The following PSMA2 variants were observed in gnomAD, a reference collection of about 807,000 sequenced individuals.
The protein encoded by PSMA2 is proteasome subunit alpha type-2.
PSMA2 carries 2 observed loss-of-function variants against 35.9 expected under a neutral mutation model. The observed-to-expected ratio is 0.06, with a 90% confidence interval of 0.02 to 0.18. The LOEUF is 0.18. Among genes scored for constraint, PSMA2 ranks in the 10% least tolerant of loss-of-function variants. The pLI is 1.00. For synonymous variants in PSMA2, 97 were observed against 98.2 expected, an observed-to-expected ratio of 0.99 and a Z score of 0.07; for missense variants, 126 against 278.8, an observed-to-expected ratio of 0.45 and a Z score of 3.90.
chr7:42,923,084 C>A (rs144972497), intron 5 of PSMA2, among the ~76,000 whole-genome samples: 1 of 152,126 alleles, frequency 6.6e-6, no homozygotes, highest in African/African-American at 2.4e-5. Context: ...ACAAATCACC[C>A]AAGTGTATGA....
At position 42,932,163 on chromosome 7, in the gene PSMA2, ACCCG is replaced by A; in HGVS notation, c.-9_-6del. 1 of 1,614,036 alleles carries A rather than the reference ACCCG, an allele frequency of 6.2e-7. No individual in the cohort carries two copies. The highest frequency in any genetic ancestry group is 1.3e-5 in the African/African-American group (1 of 75,042). ...GCTGTACCCGCGCTCCGCCATCTTT[ACCCG>A]AAGAGCCAAAGCACAGCCGCACACA... On this transcript the variant is annotated 5_prime_UTR_variant, in exon 1 of 8. Transcript: ENST00000223321.
intron 3 of PSMA2, among the ~76,000 whole-genome samples, chr7:42,926,111 C>T (rs1044504958): frequency 6.6e-6 from 1 of 152,166 alleles, no homozygotes; most frequent in Non-Finnish European, 1.5e-5. Flanking sequence ...TTGTGAAGAA[C>T]AGGAAAAAAG....
chr7:42,919,197 CTGGAT>C (rs1313707925), intron 6 of PSMA2: 1 of 601,200 alleles, frequency 1.7e-6, no homozygotes, highest in East Asian at 3.8e-5. Flanking sequence ...ATACAGGAGA[CTGGAT>C]TGGAACAATT....
At chr7:42,931,973 A>C in intron 1 of PSMA2, 145 bp downstream of exon 1, 1 of 1,115,158 alleles carries the variant, frequency 9.0e-7, no homozygotes, top group South Asian at 1.3e-5. Context: ...GGCCTGGCAA[A>C]TGACTTTGCA....
At chr7:42,932,050 G>GA in intron 1 of PSMA2, 68 bp downstream of exon 1, 1 of 1,600,610 alleles carries the variant, frequency 6.2e-7, no homozygotes, top group Non-Finnish European at 8.6e-7. Flanking sequence ...GTCAGGATGG[G>GA]AAAAACTAAA....
chr7:42,919,264 A>G, intron 6 of PSMA2: 3 of 616,768 alleles, frequency 4.9e-6, no homozygotes, highest in Admixed American at 1.9e-5. Flanking sequence ...GGATGCCACC[A>G]AAGCAGCCAC....
intron 6 of PSMA2, chr7:42,918,410 C>G (rs1410744415): frequency 6.6e-6 from 1 of 152,164 alleles, no homozygotes; most frequent in Non-Finnish European, 1.5e-5. Context: ...ACAGAAAAAT[C>G]AGAACTTTGC....
intron 4 of PSMA2, 119 bp from the exon 5 acceptor site, chr7:42,923,525 TTCC>T: frequency 1.4e-6 from 1 of 720,968 alleles, no homozygotes; most frequent in Non-Finnish European, 2.4e-6. Context: ...GACTTTTAAG[TTCC>T]TTAGAAAGTA....
rs532320237 is a variant in PSMA2 at position 42,920,108 on chromosome 7, A to G, written c.530+1750T>C. The G allele has an allele frequency of 8.9e-5, 46 of 515,334 alleles. 1 individual carries two copies. In the Middle Eastern group the frequency reaches 3.2e-3, roughly 36 times the overall value. 31.9% of individuals were successfully genotyped at this position (515,334 alleles called of 1,614,324 possible). ...AAGGCCTGAACATCAAGCATGTGCC[A>G]CAGACAGCATACAACTGGACTAGAA... On this transcript the variant is annotated intron_variant, in intron 6 of 7. Coordinates refer to ENST00000223321, the MANE Select transcript of PSMA2 (RefSeq NM_002787.5).
chr7:42,927,482 G>GT (rs1460421649), intron 1 of PSMA2, 23 bp from the exon 2 acceptor site: 2 of 1,598,136 alleles, frequency 1.3e-6, no homozygotes, highest in Admixed American at 1.7e-5. Context: ...ACAGGTATTT[G>GT]TAAGTTCACA....
chr7:42,917,445 C>T lies in PSMA2; in HGVS notation c.*129G>A, dbSNP rs1404158743. The T allele has an allele frequency of 1.4e-6, 1 of 695,222 alleles. No homozygotes were observed. The highest frequency in any genetic ancestry group is 2.9e-5 in the Admixed American group (1 of 34,416). The allele number at this position is 695,222 out of a possible 1,614,324, so 43.1% of individuals were successfully genotyped here. A position where few individuals can be genotyped will look rare whatever the true frequency, so the allele number is the denominator to read the frequency against. On this transcript the variant is annotated 3_prime_UTR_variant, in exon 8 of 8. Coordinates refer to ENST00000223321, the MANE Select transcript of PSMA2 (RefSeq NM_002787.5). ...ACAGTTTATTAGGATTTATAAGTGT[C>T]ATTTTAAAAACAGTCGATTTAAACC... is the stretch of plus-strand genomic sequence containing the variant.
At chr7:42,927,588 A>G in intron 1 of PSMA2, 129 bp from the exon 2 acceptor site, 3 of 803,654 alleles carry the variant, frequency 3.7e-6, no homozygotes, top group Admixed American at 2.5e-5. Context: ...CTGGCCTTTG[A>G]CCTCTATCAT....
At chr7:42,928,756 C>T (rs1313245087) in intron 1 of PSMA2, among the ~76,000 whole-genome samples, 4 of 152,162 alleles carry the variant, frequency 2.6e-5, no homozygotes, top group Admixed American at 2.6e-4. Flanking sequence ...CTCCATCCCT[C>T]CTTGCTCCAA....
At chr7:42,927,932 G>A (rs2128674745) in intron 1 of PSMA2, among the ~76,000 whole-genome samples, 1 of 151,310 alleles carries the variant, frequency 6.6e-6, no homozygotes, top group South Asian at 2.1e-4. Context: ...AAGACAGAAA[G>A]AAAGAAACCA....
At position 42,921,823 on chromosome 7, in the gene PSMA2, T is replaced by G. The variant is rs769247166; in HGVS notation, c.530+35A>C. 2.1e-5 allele frequency: 33 copies of G among 1,549,200 alleles called. 2 individuals carry two copies. The South Asian group carries it at 3.8e-4, about 18-fold the overall frequency. ...GAGCACCAAAAACCATAAAGTGAGT[T>G]TGCTAAAGAATGCAGTTACAATGAG... On this transcript the variant is annotated intron_variant, in intron 6 of 7. Coordinates refer to ENST00000223321, the MANE Select transcript of PSMA2 (RefSeq NM_002787.5).
rs1583603943 is a variant in PSMA2 at position 42,917,499 on chromosome 7, C to T, written c.*75G>A. The T allele has an allele frequency of 8.4e-7, 1 of 1,188,746 alleles. No individual in the cohort carries two copies. Among genetic ancestry groups the T allele is most frequent in the East Asian group, 2.4e-5 (1 of 42,326 alleles). 73.6% of individuals were successfully genotyped at this position (1,188,746 alleles called of 1,614,324 possible). On this transcript the variant is annotated 3_prime_UTR_variant, in exon 8 of 8. Coordinates refer to ENST00000223321, the MANE Select transcript of PSMA2 (RefSeq NM_002787.5). ...TAGAAATAAGTATGCAAAAAGTCTGCAAAACAAAACATACTTTAAACATGT... is the reference window on the plus strand; with the variant it reads ...TAGAAATAAGTATGCAAAAAGTCTGTAAAACAAAACATACTTTAAACATGT...
At chr7:42,930,960 A>G (rs1786298290) in intron 1 of PSMA2, 1 of 278,912 alleles carries the variant, frequency 3.6e-6, no homozygotes, top group African/African-American at 2.3e-5. Flanking sequence ...CAAAAAAACT[A>G]TTACATACAC....
chr7:42,932,105 GC>G lies in PSMA2; in HGVS notation c.41+12del. ...CTCGACTACGCTGAAGACCTCGAGG[GC>G]CCCTTCCATACCTGAATGTAGTCAG... is the stretch of plus-strand genomic sequence containing the variant. On this transcript the variant is annotated intron_variant, in intron 1 of 7. Coordinates refer to ENST00000223321, the MANE Select transcript of PSMA2 (RefSeq NM_002787.5). 1.2e-6 allele frequency: 2 copies of G among 1,614,052 alleles called. No individual in the cohort carries two copies. Among genetic ancestry groups the G allele is most frequent in the Non-Finnish European group, 1.7e-6 (2 of 1,180,036 alleles).
chr7:42,920,931 A>G (rs1420630987), intron 6 of PSMA2: 2 of 152,188 alleles, frequency 1.3e-5, no homozygotes. Flanking sequence ...GTTGTCACTC[A>G]TATGTGGGAG....
Sources: allele counts gnomAD v4.1 joint callset (sites outside exome capture counted in the v4.1 genomes callset), GRCh38; gene constraint gnomAD v4.1.1; transcripts MANE v1.5; gene names NCBI Gene and HGNC (gene_info 2026-07-23, HGNC 2026-07-21).